Variants in SPAG16 observed in about 807,000 individuals in gnomAD.
The protein encoded by SPAG16 is sperm-associated antigen 16 protein.
SPAG16 carries 86 observed loss-of-function variants against 80.4 expected under a neutral mutation model. That is an observed-to-expected ratio of 1.07 (90% CI 0.90 to 1.28). SPAG16 has a LOEUF of 1.28. Among genes scored for constraint, SPAG16 ranks in the 50% most tolerant of loss-of-function variants. SPAG16 has a pLI of 0.00. For synonymous variants in SPAG16, 294 were observed against 265.9 expected, an observed-to-expected ratio of 1.11 and a Z score of -1.03; for missense variants, 870 against 765.3, an observed-to-expected ratio of 1.14 and a Z score of -1.61.
intron 10 of SPAG16, among the ~76,000 whole-genome samples, chr2:213,685,827 A>T (rs1331081682): frequency 6.6e-6 from 1 of 152,226 alleles, no homozygotes; most frequent in Non-Finnish European, 1.5e-5. Context: ...TGAATAAAAA[A>T]TTATGAATAA....
intron 15 of SPAG16, among the ~76,000 whole-genome samples, chr2:214,375,625 A>G (rs1700078887): frequency 6.6e-6 from 1 of 152,214 alleles, no homozygotes; most frequent in African/African-American, 2.4e-5. Flanking sequence ...GTGAACGTAT[A>G]TGGTAAAGTT....
intron 15 of SPAG16, among the ~76,000 whole-genome samples, chr2:214,198,603 T>C (rs1472644912): frequency 1.3e-5 from 2 of 152,134 alleles, no homozygotes; most frequent in Non-Finnish European, 2.9e-5. Flanking sequence ...TCTTTTCCTT[T>C]GGGTAGATAC....
At chr2:213,710,236 A>G (rs888140130) in intron 10 of SPAG16, among the ~76,000 whole-genome samples, 1 of 152,004 alleles carries the variant, frequency 6.6e-6, no homozygotes, top group African/African-American at 2.4e-5. Flanking sequence ...GTGAGCCGAG[A>G]TCGCACCACT....
chr2:214,342,572 G>A (rs543386915), intron 15 of SPAG16, among the ~76,000 whole-genome samples: 4 of 152,086 alleles, frequency 2.6e-5, no homozygotes, highest in South Asian at 2.1e-4. Context: ...AGGAAAACAC[G>A]CTCAGGGCTC....
At chr2:213,931,183 G>T (rs2078736068) in intron 12 of SPAG16, among the ~76,000 whole-genome samples, 1 of 152,122 alleles carries the variant, frequency 6.6e-6, no homozygotes. Flanking sequence ...AATGATAGGT[G>T]CAAGTTCCGT....
chr2:213,725,965 A>G (rs552756356), intron 10 of SPAG16, among the ~76,000 whole-genome samples: 8 of 152,218 alleles, frequency 5.3e-5, no homozygotes, highest in Non-Finnish European at 1.0e-4. Flanking sequence ...TCACCCAGAG[A>G]CCATGTCAAG....
At chr2:214,385,801 A>C (rs1700715575) in intron 15 of SPAG16, among the ~76,000 whole-genome samples, 1 of 152,120 alleles carries the variant, frequency 6.6e-6, no homozygotes, top group South Asian at 2.1e-4. Flanking sequence ...CTGAGATTGC[A>C]CCACTGCACT....
intron 15 of SPAG16, among the ~76,000 whole-genome samples, chr2:214,274,506 G>C (rs1359884955): frequency 1.3e-5 from 2 of 152,062 alleles, no homozygotes; most frequent in Admixed American, 6.6e-5. Flanking sequence ...TAGCATGAAG[G>C]GCTGTTGAAT....
At chr2:213,653,072 C>T (rs1005595970) in intron 10 of SPAG16, among the ~76,000 whole-genome samples, 3 of 151,522 alleles carry the variant, frequency 2.0e-5, no homozygotes, top group Non-Finnish European at 4.4e-5. Flanking sequence ...AGTCTCCTAT[C>T]CTTTTATAAA....
intron 15 of SPAG16, among the ~76,000 whole-genome samples, chr2:214,212,573 A>G (rs1260660006): frequency 1.3e-5 from 2 of 152,020 alleles, no homozygotes; most frequent in African/African-American, 4.8e-5. Context: ...GTTGAGGACC[A>G]CTATTTATAT....
chr2:213,955,419 T>C (rs1371975895), intron 12 of SPAG16, among the ~76,000 whole-genome samples: 1 of 152,188 alleles, frequency 6.6e-6, no homozygotes. Flanking sequence ...AAACTTTAGT[T>C]GAAAAGACAT....
chr2:214,254,798 C>A (rs1690564575), intron 15 of SPAG16, among the ~76,000 whole-genome samples: 1 of 151,812 alleles, frequency 6.6e-6, no homozygotes, highest in Non-Finnish European at 1.5e-5. Flanking sequence ...GGGGAAAACT[C>A]ATTTTTATTT....
chr2:213,614,964 C>T (rs1388465726), intron 10 of SPAG16, among the ~76,000 whole-genome samples: 1 of 152,186 alleles, frequency 6.6e-6, no homozygotes, highest in African/African-American at 2.4e-5. Flanking sequence ...TGAGGACTAT[C>T]CTAAGTGCTT....
At chr2:214,026,999 G>C (rs1053070706) in intron 13 of SPAG16, among the ~76,000 whole-genome samples, 2 of 151,190 alleles carry the variant, frequency 1.3e-5, no homozygotes, top group Non-Finnish European at 3.0e-5. Context: ...TATATCTAAA[G>C]TTTCATCTGT....
chr2:213,623,434 C>T (rs1429492568), intron 10 of SPAG16, among the ~76,000 whole-genome samples: 1 of 151,914 alleles, frequency 6.6e-6, no homozygotes, highest in Admixed American at 6.6e-5. Flanking sequence ...TTAGTATCCA[C>T]CTTTAGGTTT....
chr2:213,364,859 C>T (rs548984372), intron 8 of SPAG16: 6 of 152,312 alleles, frequency 3.9e-5, no homozygotes, highest in African/African-American at 1.4e-4. Context: ...CAAATCTGGC[C>T]ATGCCTGGGT....
At chr2:213,944,642 G>A (rs1490908754) in intron 12 of SPAG16, among the ~76,000 whole-genome samples, 1 of 152,132 alleles carries the variant, frequency 6.6e-6, no homozygotes, top group Non-Finnish European at 1.5e-5. Flanking sequence ...TGGAATTAAT[G>A]TATTTTTATT....
At chr2:213,311,383 C>T (rs2063179937) in intron 4 of SPAG16, among the ~76,000 whole-genome samples, 1 of 151,692 alleles carries the variant, frequency 6.6e-6, no homozygotes, top group South Asian at 2.1e-4. Context: ...TGTGTTAGGA[C>T]ATGTGATGCT....
chr2:214,285,575 G>C (rs371790255), intron 15 of SPAG16, among the ~76,000 whole-genome samples: 1 of 152,078 alleles, frequency 6.6e-6, no homozygotes, highest in Non-Finnish European at 1.5e-5. Context: ...TTGGGAGGCC[G>C]AGGTGGGCAA....
Sources: gnomAD v4.1 joint callset for allele counts (sites outside exome capture counted in the v4.1 genomes callset) on GRCh38, gnomAD v4.1.1 for gene constraint, MANE v1.5 for transcripts, NCBI Gene and HGNC (gene_info 2026-07-23, HGNC 2026-07-21) for gene names.